NLN: variants seen among roughly 807,000 people sequenced by gnomAD.
The protein encoded by NLN is neurolysin.
A neutral mutation model predicts 79.9 loss-of-function variants in NLN; 64 were observed. The observed-to-expected ratio is 0.80, with a 90% CI of 0.65 to 0.99. NLN has a LOEUF of 0.99. Among genes scored for constraint, NLN ranks in the 50% least tolerant of loss-of-function variants. The pLI, the probability that NLN is intolerant of heterozygous loss-of-function variation, is 0.00. For missense variants in NLN, 835 were observed against 858.7 expected (o/e 0.97, Z 0.34); for synonymous variants, 267 against 296.6 (o/e 0.90, Z 1.02).
rs777900157 is a variant in NLN, at chr5:65,810,182, A to C, written c.1843+17A>C. The C allele has an allele frequency of 1.9e-6, 3 of 1,611,518 alleles. No individual in the cohort carries two copies. Among genetic ancestry groups the C allele is most frequent in the African/African-American group, 1.3e-5 (1 of 74,886 alleles). On this transcript the variant is annotated intron_variant, in intron 11 of 12. Transcript: ENST00000380985. ...CTACTCCAGGTATGTAACTACTATG[A>C]ATTGAGTTCATTTCTCTGTGAAGCA... is the stretch of plus-strand genomic sequence containing the variant.
At chr5:65,788,964 C>A (rs913505977) in intron 8 of NLN, among the ~76,000 whole-genome samples, 23 of 143,378 alleles carry the variant, frequency 1.6e-4, no homozygotes, top group African/African-American at 6.5e-4. Context: ...AGAGTGAGAC[C>A]CTGTCTCAAA....
chr5:65,810,845 G>A (rs940215700), intron 11 of NLN, among the ~76,000 whole-genome samples: 9 of 152,196 alleles, frequency 5.9e-5, no homozygotes, highest in African/African-American at 2.2e-4. Context: ...AGGTGTGGTG[G>A]TGTATACCTA....
At position 65,785,803 on chromosome 5, in the gene NLN, T is replaced by TC; in HGVS notation, c.854dup (p.Leu286ThrfsTer12). ...AACACCATAATTTTGCAGCAGCTAC[T>TC]CCCACTGCGAACCAAGGTGGCCAAA... On this transcript the variant is annotated frameshift_variant, in exon 7 of 13. Coordinates refer to ENST00000380985, the MANE Select transcript of NLN (RefSeq NM_020726.5). LOFTEE classifies it high-confidence loss of function. The TC allele has an allele frequency of 6.2e-7, 1 of 1,613,768 alleles. No individual in the cohort carries two copies. The highest frequency in any genetic ancestry group is 1.1e-5 in the South Asian group (1 of 91,072).
At chr5:65,772,998 G>A (rs907417099) in intron 3 of NLN, among the ~76,000 whole-genome samples, 2 of 150,814 alleles carry the variant, frequency 1.3e-5, no homozygotes, top group African/African-American at 4.9e-5. Context: ...TGTCACCTTG[G>A]CCAGAATACA....
At chr5:65,803,140 A>G (rs1054395521) in intron 9 of NLN, among the ~76,000 whole-genome samples, 3 of 152,284 alleles carry the variant, frequency 2.0e-5, no homozygotes, top group South Asian at 2.1e-4. Flanking sequence ...CAAAAGCACC[A>G]TAAGTTCCCA....
At position 65,824,419 on chromosome 5, in the gene NLN, G is replaced by A. The variant is rs567136657; in HGVS notation, c.*1504G>A. The A allele has an allele frequency of 6.7e-6, 1 of 149,362 alleles. No homozygotes were observed. Among genetic ancestry groups the A allele is most frequent in the South Asian group, 2.1e-4 (1 of 4,732 alleles). The allele number at this position is 149,362 out of a possible 1,614,324, so 9.3% of individuals were successfully genotyped here. A position where few individuals can be genotyped will look rare whatever the true frequency, so the allele number is the denominator to read the frequency against. On this transcript the variant is annotated 3_prime_UTR_variant, in exon 13 of 13. Transcript: ENST00000380985. ...ACTACCCCCTCTTCTGAGATAATTTGCCCAGCCCTTCTCTTCCCACACACT... is the reference window on the plus strand; with the variant it reads ...ACTACCCCCTCTTCTGAGATAATTTACCCAGCCCTTCTCTTCCCACACACT...
intron 3 of NLN, among the ~76,000 whole-genome samples, chr5:65,764,344 T>C (rs1253573994): frequency 6.6e-6 from 1 of 152,194 alleles, no homozygotes; most frequent in African/African-American, 2.4e-5. Context: ...CTGGCCAACA[T>C]GGTGAAACTC....
At chr5:65,790,680 G>A (rs1286914917) in intron 8 of NLN, among the ~76,000 whole-genome samples, 1 of 152,198 alleles carries the variant, frequency 6.6e-6, no homozygotes, top group Non-Finnish European at 1.5e-5. Context: ...TGGAGACACA[G>A]CCAAATCACA....
At chr5:65,759,604 G>A (rs1759298381) in intron 2 of NLN, among the ~76,000 whole-genome samples, 1 of 152,150 alleles carries the variant, frequency 6.6e-6, no homozygotes, top group Admixed American at 6.5e-5. Flanking sequence ...GTAGCCTAGA[G>A]GCCCAGAAGA....
chr5:65,815,249 G>A (rs950846592), intron 12 of NLN, among the ~76,000 whole-genome samples: 2 of 152,164 alleles, frequency 1.3e-5, no homozygotes, highest in Non-Finnish European at 2.9e-5. Context: ...TCTTCCAGCT[G>A]TCAAGGTAGC....
intron 1 of NLN, among the ~76,000 whole-genome samples, chr5:65,735,843 C>T (rs1758716257): frequency 6.6e-6 from 1 of 152,122 alleles, no homozygotes; most frequent in South Asian, 2.1e-4. Flanking sequence ...GTCCTTATCT[C>T]CTGGCCTTAA....
intron 1 of NLN, among the ~76,000 whole-genome samples, chr5:65,744,771 G>T (rs982534330): frequency 1.3e-5 from 2 of 152,000 alleles, no homozygotes; most frequent in African/African-American, 4.8e-5. Context: ...GCTACTCAAG[G>T]GGCCAAGGTG....
chr5:65,725,633 A>G (rs1758451836), intron 1 of NLN, among the ~76,000 whole-genome samples: 1 of 152,234 alleles, frequency 6.6e-6, no homozygotes, highest in Admixed American at 6.5e-5. Flanking sequence ...TCACAGTGGC[A>G]GATAGGATTT....
At chr5:65,798,396 C>T (rs1333157365) in intron 9 of NLN, among the ~76,000 whole-genome samples, 1 of 152,202 alleles carries the variant, frequency 6.6e-6, no homozygotes, top group African/African-American at 2.4e-5. Context: ...TGAATTTGGT[C>T]TTCCAAATGT....
rs148517991 is a variant in NLN, at chr5:65,743,605, G to T, written c.42-14962G>T. ...GAGGAGAACTGAGTTCTAAGGTTAT[G>T]TCTGTATGTGCAGAATGAGAGATGG... On this transcript the variant is annotated intron_variant, in intron 1 of 12. Transcript: ENST00000380985. Among the ~76,000 whole-genome samples the T allele has an allele frequency of 3.3e-5, 5 of 152,340 alleles. No homozygotes were observed. The East Asian group carries it at 9.6e-4, about 29-fold the overall frequency.
At chr5:65,779,537 G>T (rs1759753415) in intron 4 of NLN, among the ~76,000 whole-genome samples, 1 of 152,018 alleles carries the variant, frequency 6.6e-6, no homozygotes, top group Non-Finnish European at 1.5e-5. Flanking sequence ...TTATCTCTTG[G>T]TTTACTTCAT....
Position 65,799,201 on chromosome 5 carries a change from A to G in NLN, c.1527+6546A>G, listed in dbSNP as rs954165003. ...CCAGCCTATATAGTTATTTTAAGAA[A>G]CAGAATTATTGACTATGTGTCTGAC... On this transcript the variant is annotated intron_variant, in intron 9 of 12. Transcript: ENST00000380985. Among the ~76,000 whole-genome samples the G allele has an allele frequency of 3.3e-5, 5 of 152,190 alleles. No individual in the cohort carries two copies. The East Asian group carries it at 9.6e-4, about 29-fold the overall frequency.
At chr5:65,802,872 G>T (rs1410936648) in intron 9 of NLN, among the ~76,000 whole-genome samples, 2 of 152,052 alleles carry the variant, frequency 1.3e-5, no homozygotes, top group Non-Finnish European at 2.9e-5. Context: ...CCTGGGGTGG[G>T]TAGTTCCTCT....
intron 9 of NLN, among the ~76,000 whole-genome samples, chr5:65,803,371 C>T (rs1343806005): frequency 1.3e-5 from 2 of 152,198 alleles, no homozygotes; most frequent in African/African-American, 2.4e-5. Flanking sequence ...CGTCAGTGCC[C>T]AAAGTTCAGT....
Sources: gnomAD v4.1 joint callset for allele counts (sites outside exome capture counted in the v4.1 genomes callset) on GRCh38, gnomAD v4.1.1 for gene constraint, MANE v1.5 for transcripts, NCBI Gene and HGNC (gene_info 2026-07-23, HGNC 2026-07-21) for gene names.